The following RBFOX3 variants were observed in gnomAD, a reference collection of about 807,000 sequenced individuals.
RBFOX3 encodes RNA binding fox-1 homolog 3, also known as RNA binding protein fox-1 homolog 3.
A neutral mutation model predicts 48.7 loss-of-function variants in RBFOX3; 17 were observed. That is an observed-to-expected ratio of 0.35 (90% CI 0.24 to 0.52). The LOEUF is 0.52. Among genes scored for constraint, RBFOX3 ranks in the 20% least tolerant of loss-of-function variants. RBFOX3 has a pLI of 0.94. For missense variants in RBFOX3, 382 were observed against 497.5 expected (o/e 0.77, Z 2.21); for synonymous variants, 212 against 209.5 (o/e 1.01, Z -0.10).
chr17:79,234,932 A>G (rs1042104796), intron 4 of RBFOX3: 2 of 151,864 alleles, frequency 1.3e-5, no homozygotes, highest in Non-Finnish European at 2.9e-5. Flanking sequence ...GGGTTTCGCC[A>G]TGTTGGCCAG....
chr17:79,212,512 C>A lies in RBFOX3; in HGVS notation c.-34+23254G>T, dbSNP rs2058513062. On this transcript the variant is annotated intron_variant, in intron 4 of 14. Transcript: ENST00000693108. This position sits in a 1 kb window ranked among gnomAD's most constrained non-coding sequence, Gnocchi z 4.7. ...TCACCCTGGGCCCCCCAGTCCGCAACTCCTGACTCCTTATTCTGCACTTCC... is the reference window on the plus strand; with the variant it reads ...TCACCCTGGGCCCCCCAGTCCGCAAATCCTGACTCCTTATTCTGCACTTCC... 1.3e-5 allele frequency among the ~76,000 whole-genome samples: 2 copies of A among 152,220 alleles called. No homozygotes were observed. The highest frequency in any genetic ancestry group is 4.8e-5 in the African/African-American group (2 of 41,468).
intron 2 of RBFOX3, among the ~76,000 whole-genome samples, chr17:79,367,267 T>C (rs2057908999): frequency 8.2e-6 from 1 of 121,408 alleles, no homozygotes; most frequent in African/African-American, 3.1e-5. Context: ...CCTTTTCTTC[T>C]TTCATCTCCT....
At chr17:79,177,817 G>A (rs961915357) in intron 4 of RBFOX3, among the ~76,000 whole-genome samples, 1 of 152,204 alleles carries the variant, frequency 6.6e-6, no homozygotes, top group Non-Finnish European at 1.5e-5. Flanking sequence ...TAAGGGACCT[G>A]AAAAATCCTA....
intron 2 of RBFOX3, among the ~76,000 whole-genome samples, chr17:79,336,944 AC>A (rs769365625): frequency 3.7e-4 from 57 of 152,114 alleles, no homozygotes; most frequent in Non-Finnish European, 7.8e-4. Flanking sequence ...ACATGGTGAA[AC>A]CCTGTCTCTA....
intron 2 of RBFOX3, among the ~76,000 whole-genome samples, chr17:79,376,757 C>A (rs183728105): frequency 1.8e-4 from 27 of 152,126 alleles, no homozygotes; most frequent in African/African-American, 6.0e-4. Context: ...TGGGGAGGCT[C>A]GCAGGGGGAT....
chr17:79,139,972 G>A (rs370785529), intron 4 of RBFOX3, among the ~76,000 whole-genome samples: 1 of 152,148 alleles, frequency 6.6e-6, no homozygotes, highest in African/African-American at 2.4e-5. Flanking sequence ...CAGGTAAAAG[G>A]GGCAGGGCCA....
At chr17:79,510,364 C>G (rs1165551534) in intron 1 of RBFOX3, among the ~76,000 whole-genome samples, 2 of 152,332 alleles carry the variant, frequency 1.3e-5, no homozygotes, top group East Asian at 1.9e-4. Flanking sequence ...GACAAGCACG[C>G]AGGACACGAC....
chr17:79,117,174 C>G (rs1233166096), intron 4 of RBFOX3, among the ~76,000 whole-genome samples: 5 of 152,368 alleles, frequency 3.3e-5, no homozygotes, highest in African/African-American at 9.6e-5. Context: ...ACTCGCCCCC[C>G]CAGGAGTCTG....
At chr17:79,644,072 C>T in the RBFOX3 span, among the ~76,000 whole-genome samples, 1 of 152,022 alleles carries the variant, frequency 6.6e-6, no homozygotes, top group African/African-American at 2.4e-5. Context: ...ATATTAAGAA[C>T]AACTTTATGC....
intron 1 of RBFOX3, among the ~76,000 whole-genome samples, chr17:79,542,584 G>A (rs1207247269): frequency 1.3e-5 from 2 of 152,220 alleles, no homozygotes; most frequent in African/African-American, 2.4e-5. Context: ...AGGAGTTCGA[G>A]ATCAGCCTGG....
In RBFOX3 at chr17:79,139,315, C is replaced by T. The variant is rs1470132149; in HGVS notation, c.-33-23567G>A. Among the ~76,000 whole-genome samples, 5 of 152,290 alleles carry T rather than the reference C, an allele frequency of 3.3e-5. No individual in the cohort carries two copies. The East Asian group carries it at 9.7e-4, about 29-fold the overall frequency. Reference sequence around the variant, plus strand: ...TGTGCCCACCCCAGAGGAGGAAGAGCTTGCTATGGATGCCTGCATGCCAGG... The same window carrying T: ...TGTGCCCACCCCAGAGGAGGAAGAGTTTGCTATGGATGCCTGCATGCCAGG... On this transcript the variant is annotated intron_variant, in intron 4 of 14. Coordinates refer to ENST00000693108, the MANE Select transcript of RBFOX3 (RefSeq NM_001350451.2).
intron 3 of RBFOX3, among the ~76,000 whole-genome samples, chr17:79,238,627 T>C (rs180880327): frequency 5.1e-4 from 77 of 152,350 alleles, no homozygotes; most frequent in African/African-American, 1.8e-3. Flanking sequence ...CAGAGTAGCC[T>C]GTTCACCCCA....
At chr17:79,509,271 C>T (rs954197564) in intron 1 of RBFOX3, among the ~76,000 whole-genome samples, 7 of 152,152 alleles carry the variant, frequency 4.6e-5, no homozygotes, top group Non-Finnish European at 1.0e-4. Flanking sequence ...GGTGTTTCAG[C>T]GTGGGTGGCT....
intron 1 of RBFOX3, among the ~76,000 whole-genome samples, chr17:79,512,004 A>G (rs1478322341): frequency 1.8e-3 from 175 of 98,162 alleles, no homozygotes; most frequent in Middle Eastern, 9.4e-3. Flanking sequence ...ACAGCCCCAT[A>G]GCCAGGGGAC....
At chr17:79,508,180 G>A (rs1490227625) in intron 1 of RBFOX3, among the ~76,000 whole-genome samples, 1 of 152,232 alleles carries the variant, frequency 6.6e-6, no homozygotes, top group African/African-American at 2.4e-5. Context: ...CCCTGCGCTC[G>A]CTGGCCTTCT....
At chr17:79,510,865 C>T (rs1261554161) in intron 1 of RBFOX3, among the ~76,000 whole-genome samples, 4 of 152,068 alleles carry the variant, frequency 2.6e-5, no homozygotes, top group Non-Finnish European at 4.4e-5. Flanking sequence ...CCAGGGGCCT[C>T]GCTCTACCTT....
chr17:79,637,737 G>A, the RBFOX3 span, among the ~76,000 whole-genome samples: 2 of 129,372 alleles, frequency 1.5e-5, no homozygotes, highest in South Asian at 5.8e-4. Flanking sequence ...GGAAGGGAGG[G>A]GAGGGGAGGG....
intron 1 of RBFOX3, among the ~76,000 whole-genome samples, chr17:79,586,657 G>A (rs996271204): frequency 6.6e-6 from 1 of 152,176 alleles, no homozygotes; most frequent in Admixed American, 6.5e-5. Context: ...GAGATCTTCC[G>A]TTTGATTTTC....
rs2093311856 is a variant in RBFOX3, at chr17:79,588,156, T to C, written c.-320+22670A>G. On this transcript the variant is annotated intron_variant, in intron 1 of 14. Transcript: ENST00000693108. ...CCTGAGTTGGGTCTTGAGGCATGCA[T>C]AGGAGTTTCCAGGTGGGATGCAGTT... Among the ~76,000 whole-genome samples, 3 of 152,180 alleles carry C rather than the reference T, an allele frequency of 2.0e-5. No homozygotes were observed. The South Asian group carries it at 6.2e-4, about 32-fold the overall frequency.
Sources: gnomAD v4.1 joint callset for allele counts (sites outside exome capture counted in the v4.1 genomes callset) on GRCh38, gnomAD v4.1.1 for gene constraint, Gnocchi (gnomAD v3.1) non-coding constraint, MANE v1.5 for transcripts, NCBI Gene and HGNC (gene_info 2026-07-23, HGNC 2026-07-21) for gene names.